The following SRFBP1 variants were observed in gnomAD, a reference collection of about 807,000 sequenced individuals.
SRFBP1 encodes serum response factor-binding protein 1.
A neutral mutation model predicts 45.5 loss-of-function variants in SRFBP1; 47 were observed. The ratio of observed to expected loss-of-function variants is 1.03; its 90% CI spans 0.82 to 1.32. SRFBP1 has a LOEUF of 1.32. Ranked by LOEUF, SRFBP1 falls within the 40% of genes most tolerant of loss-of-function variation. The pLI, the probability that SRFBP1 is intolerant of heterozygous loss-of-function variation, is 0.00. For missense variants in SRFBP1, 621 were observed against 484.6 expected (o/e 1.28, Z -2.64); for synonymous variants, 203 against 166.3 (o/e 1.22, Z -1.70).
chr5:122,075,931 G>A (rs552713936), downstream of SRFBP1: 2 of 153,142 alleles, frequency 1.3e-5, no homozygotes, highest in African/African-American at 4.8e-5. Context: ...ATAATTCATA[G>A]ATGTTTATTA....
chr5:121,992,686 C>T lies in SRFBP1; in HGVS notation c.199-1913C>T, dbSNP rs139775798. Among the ~76,000 whole-genome samples the T allele has an allele frequency of 3.7e-3, 570 of 152,134 alleles. 5 individuals are homozygous for T. The highest frequency in any genetic ancestry group is 0.012 in the African/African-American group (516 of 41,512). ...TTATTGTAATCATGCTTTGTGTTTG[C>T]GTATCATACTACTAGAACTACAAAT... is the stretch of plus-strand genomic sequence containing the variant. On this transcript the variant is annotated intron_variant, in intron 3 of 7. Coordinates refer to ENST00000339397, the MANE Select transcript of SRFBP1 (RefSeq NM_152546.3).
chr5:121,989,400 C>T (rs561707617), intron 3 of SRFBP1, among the ~76,000 whole-genome samples: 50 of 152,098 alleles, frequency 3.3e-4, no homozygotes, highest in South Asian at 4.2e-4. Flanking sequence ...AGCTAAGTGT[C>T]GCTGTCTGAT....
At chr5:122,063,587 A>G (rs1444828940) in intron 2 of SRFBP1, 1 of 151,972 alleles carries the variant, frequency 6.6e-6, no homozygotes, top group Admixed American at 6.6e-5. Context: ...GCTAGGAATG[A>G]GACTTAACTC....
chr5:121,962,214 G>C (rs536851414), intron 1 of SRFBP1, 146 bp downstream of exon 1: 3 of 943,154 alleles, frequency 3.2e-6, no homozygotes, highest in African/African-American at 3.3e-5. Context: ...CTTGGAGTTT[G>C]GCAACCGGTA....
chr5:121,962,171 C>G (rs1031154049), intron 1 of SRFBP1, 103 bp downstream of exon 1: 3 of 1,444,916 alleles, frequency 2.1e-6, no homozygotes, highest in East Asian at 2.3e-5. Flanking sequence ...GTTGGAGGAA[C>G]TTTCGTGGTG....
chr5:121,966,393 C>G (rs1260201214), intron 1 of SRFBP1, among the ~76,000 whole-genome samples: 1 of 152,130 alleles, frequency 6.6e-6, no homozygotes, highest in Admixed American at 6.6e-5. Context: ...GCTTTTATAG[C>G]AGCTTCCCTA....
chr5:121,971,522 G>A (rs772075905), intron 1 of SRFBP1, among the ~76,000 whole-genome samples: 9 of 151,906 alleles, frequency 5.9e-5, no homozygotes, highest in Middle Eastern at 3.2e-3. Flanking sequence ...GATTTTGAGC[G>A]CACTCAGAAA....
At chr5:122,041,036 TAGTA>T (rs1753764545) in intron 2 of SRFBP1, among the ~76,000 whole-genome samples, 1 of 152,188 alleles carries the variant, frequency 6.6e-6, no homozygotes, top group Non-Finnish European at 1.5e-5. Flanking sequence ...GGTTGATACA[TAGTA>T]AGTGCTCAGT....
chr5:122,000,280 A>G (rs1180319004), intron 4 of SRFBP1, among the ~76,000 whole-genome samples: 1 of 152,082 alleles, frequency 6.6e-6, no homozygotes, highest in Non-Finnish European at 1.5e-5. Context: ...ATAAGTATAT[A>G]ATAGATTTTT....
At position 121,974,422 on chromosome 5, in the gene SRFBP1, A is replaced by G. The variant is rs1752261895; in HGVS notation, c.125+138A>G. ...CACCATTTTTGTTTTGTATGCGGAG[A>G]TGATGTGAGTGAGATAGAATGTGCT... On this transcript the variant is annotated intron_variant, in intron 2 of 7. Coordinates refer to ENST00000339397, the MANE Select transcript of SRFBP1 (RefSeq NM_152546.3). 6.6e-6 allele frequency: 4 copies of G among 601,784 alleles called. No individual in the cohort carries two copies. The East Asian group carries it at 1.2e-4, about 17-fold the overall frequency. 37.3% of individuals were successfully genotyped at this position (601,784 alleles called of 1,614,324 possible).
Position 122,051,906 on chromosome 5 carries a change from G to A in SRFBP1, n.312-23409G>A, listed in dbSNP as rs565717917. Reference sequence around the variant, plus strand: ...AGCTGGTAACAGTCCTTTCCGTATCGAGCACTCCTTTTATAAGCTCTTGTA... The same window carrying A: ...AGCTGGTAACAGTCCTTTCCGTATCAAGCACTCCTTTTATAAGCTCTTGTA... On this transcript the variant is annotated intron_variant and non_coding_transcript_variant, in intron 2 of 2. Coordinates refer to the SRFBP1 transcript ENST00000504881. 8.6e-4 allele frequency among the ~76,000 whole-genome samples: 131 copies of A among 152,042 alleles called. 1 individual carries two copies. The highest frequency in any genetic ancestry group is 6.8e-3 in the Middle Eastern group (2 of 294).
At chr5:121,980,250 G>A (rs889375755) in intron 3 of SRFBP1, among the ~76,000 whole-genome samples, 2 of 151,970 alleles carry the variant, frequency 1.3e-5, no homozygotes, top group Admixed American at 6.6e-5. Flanking sequence ...ATAGAAAATT[G>A]TAATACTATA....
chr5:122,019,655 T>A (rs1753261731), intron 5 of SRFBP1, among the ~76,000 whole-genome samples: 1 of 151,062 alleles, frequency 6.6e-6, no homozygotes, highest in African/African-American at 2.4e-5. Context: ...GTTTCGCCAC[T>A]TAGGAACATA....
chr5:122,025,231 G>T (rs892242369), intron 7 of SRFBP1, among the ~76,000 whole-genome samples: 1 of 151,934 alleles, frequency 6.6e-6, no homozygotes, highest in East Asian at 1.9e-4. Flanking sequence ...TTGTCCTTGC[G>T]ATGGTTTGCT....
intron 1 of SRFBP1, among the ~76,000 whole-genome samples, chr5:121,971,867 T>A (rs1752206342): frequency 6.6e-6 from 1 of 151,992 alleles, no homozygotes; most frequent in African/African-American, 2.4e-5. Context: ...TTCCATTGGA[T>A]TTCAGGGGCT....
At chr5:122,026,324 G>T (rs954282038) in intron 7 of SRFBP1, among the ~76,000 whole-genome samples, 1 of 152,140 alleles carries the variant, frequency 6.6e-6, no homozygotes, top group African/African-American at 2.4e-5. Context: ...GATACTATAT[G>T]GACTAGAATA....
chr5:121,966,763 T>TA lies in SRFBP1; in HGVS notation c.36+4695_36+4696insA, dbSNP rs1460922434. Among the ~76,000 whole-genome samples, 1,051 of 142,320 alleles carry TA rather than the reference T, an allele frequency of 7.4e-3. 11 individuals carry two copies. The highest frequency in any genetic ancestry group is 0.028 in the African/African-American group (968 of 34,246). 93.4% of individuals were successfully genotyped at this position (142,320 alleles called of 152,430 possible). A position where few individuals can be genotyped will look rare whatever the true frequency, so the allele number is the denominator to read the frequency against. On this transcript the variant is annotated intron_variant, in intron 1 of 7. Coordinates refer to ENST00000339397, the MANE Select transcript of SRFBP1 (RefSeq NM_152546.3). ...GCCTATATGTACAACTGACATTTTATTTTTTTTTATTTTTTATTTTTTATT... is the reference window on the plus strand; with the variant it reads ...GCCTATATGTACAACTGACATTTTATATTTTTTTTATTTTTTATTTTTTATT...
At chr5:122,012,953 C>T (rs928997712) in intron 4 of SRFBP1, among the ~76,000 whole-genome samples, 1 of 152,046 alleles carries the variant, frequency 6.6e-6, no homozygotes, top group African/African-American at 2.4e-5. Context: ...GGAGTTTTTG[C>T]ATTTCAACTA....
intron 2 of SRFBP1, among the ~76,000 whole-genome samples, chr5:122,043,999 C>T (rs942879420): frequency 6.6e-6 from 1 of 152,062 alleles, no homozygotes; most frequent in African/African-American, 2.4e-5. Flanking sequence ...TGATCCTCTC[C>T]CTCCACCCAC....
Sources: gnomAD v4.1 joint callset for allele counts (sites outside exome capture counted in the v4.1 genomes callset) on GRCh38, gnomAD v4.1.1 for gene constraint, MANE v1.5 for transcripts, NCBI Gene and HGNC (gene_info 2026-07-23, HGNC 2026-07-21) for gene names.